Variants in NTNG1 observed in about 807,000 individuals in gnomAD.
The protein encoded by NTNG1 is netrin G1.
A neutral mutation model predicts 54.0 loss-of-function variants in NTNG1; 16 were observed. The observed-to-expected ratio is 0.30, with a 90% CI of 0.20 to 0.45. The LOEUF is 0.45. Ranked by LOEUF, NTNG1 falls within the 20% of genes least tolerant of loss-of-function variation. The probability of loss-of-function intolerance (pLI) is 1.00; values close to 1 mark genes in which losing one functional copy is unlikely to be tolerated. For missense variants in NTNG1, 530 were observed against 678.7 expected, an observed-to-expected ratio of 0.78 and a Z score of 2.43; for synonymous variants, 255 against 263.1, an observed-to-expected ratio of 0.97 and a Z score of 0.30.
chr1:107,231,479 A>G (rs1160754076), intron 2 of NTNG1, among the ~76,000 whole-genome samples: 6 of 152,216 alleles, frequency 3.9e-5, no homozygotes, highest in East Asian at 3.8e-4. Flanking sequence ...AACAGATTGT[A>G]TACTTTTTCT....
At chr1:107,196,137 T>C (rs1056385150) in intron 2 of NTNG1, among the ~76,000 whole-genome samples, 4 of 151,952 alleles carry the variant, frequency 2.6e-5, no homozygotes, top group Non-Finnish European at 5.9e-5. Context: ...GTTTCAAAGA[T>C]TAAGTAAAAT....
At chr1:107,165,901 G>A (rs937459120) in intron 2 of NTNG1, among the ~76,000 whole-genome samples, 3 of 152,148 alleles carry the variant, frequency 2.0e-5, no homozygotes, top group South Asian at 4.1e-4. Context: ...AAGTCCCTAC[G>A]TTGTGTTCCC....
chr1:107,400,741 C>T (rs190978873), intron 4 of NTNG1, among the ~76,000 whole-genome samples: 243 of 151,940 alleles, frequency 1.6e-3, no homozygotes, highest in African/African-American at 5.1e-3. Flanking sequence ...CTCTGCCTCC[C>T]GGGTTCAAGT....
chr1:107,421,086 G>A (rs1311722565), intron 5 of NTNG1: 1 of 1,606,812 alleles, frequency 6.2e-7, no homozygotes, highest in South Asian at 1.1e-5. Flanking sequence ...CTATCCAGTT[G>A]CTCCCAAATT....
At chr1:107,462,890 A>T (rs901079008) in intron 7 of NTNG1, among the ~76,000 whole-genome samples, 1 of 152,184 alleles carries the variant, frequency 6.6e-6, no homozygotes, top group Non-Finnish European at 1.5e-5. Flanking sequence ...AGGCTCAGGG[A>T]GGTCACTTGA....
At chr1:107,165,880 T>G (rs904605417) in intron 2 of NTNG1, among the ~76,000 whole-genome samples, 8 of 152,328 alleles carry the variant, frequency 5.3e-5, no homozygotes, top group Middle Eastern at 3.4e-3. Context: ...TAGTGGTTTC[T>G]CTCCACTGTG....
chr1:107,368,051 C>G (rs1267894496), intron 3 of NTNG1, among the ~76,000 whole-genome samples: 3 of 152,118 alleles, frequency 2.0e-5, no homozygotes, highest in Non-Finnish European at 4.4e-5. Flanking sequence ...AGCCACCGTG[C>G]CCGGCCTAAA....
intron 2 of NTNG1, among the ~76,000 whole-genome samples, chr1:107,166,228 A>G (rs921444867): frequency 6.6e-6 from 1 of 152,230 alleles, no homozygotes; most frequent in African/African-American, 2.4e-5. Context: ...AAGAAGAAAT[A>G]GAAGGACATT....
intron 2 of NTNG1, among the ~76,000 whole-genome samples, chr1:107,220,474 C>CT: frequency 6.6e-6 from 1 of 152,300 alleles, no homozygotes. Context: ...TTTCCTACCT[C>CT]TTTCACCATT....
chr1:107,396,368 A>G (rs2101094555), intron 4 of NTNG1, among the ~76,000 whole-genome samples: 1 of 152,304 alleles, frequency 6.6e-6, no homozygotes, highest in Admixed American at 6.5e-5. Flanking sequence ...TGGACCAAGT[A>G]ACAAACCATG....
At chr1:107,330,440 A>T (rs1668212240) in intron 3 of NTNG1, among the ~76,000 whole-genome samples, 2 of 152,158 alleles carry the variant, frequency 1.3e-5, no homozygotes, top group South Asian at 2.1e-4. Context: ...TCAAGTGGAG[A>T]ATCCAGAAAA....
intron 7 of NTNG1, among the ~76,000 whole-genome samples, chr1:107,475,088 G>C (rs1389659779): frequency 6.6e-6 from 1 of 152,158 alleles, no homozygotes. Flanking sequence ...AGTAACAATT[G>C]ATACTATCAA....
chr1:107,446,041 G>A (rs565683552), intron 7 of NTNG1, among the ~76,000 whole-genome samples: 1 of 152,150 alleles, frequency 6.6e-6, no homozygotes, highest in Admixed American at 6.6e-5. Context: ...TCAAGATGAA[G>A]AAACAGAGGA....
At chr1:107,341,945 CA>C (rs1476217769) in intron 3 of NTNG1, among the ~76,000 whole-genome samples, 1 of 151,832 alleles carries the variant, frequency 6.6e-6, no homozygotes, top group Non-Finnish European at 1.5e-5. Flanking sequence ...GAAATTGGAA[CA>C]GGGGTTCCGC....
In NTNG1 at chr1:107,483,035, T is replaced by C. The variant is rs1310090587; in HGVS notation, c.*2195T>C. On this transcript the variant is annotated 3_prime_UTR_variant, in exon 8 of 8. Transcript: ENST00000370068. ...TTACGTTGGAAGCATAAATAGAAAA[T>C]TATATTTCAGGCTCACCAAAGAAAC... 1 of 152,140 alleles carries C rather than the reference T, an allele frequency of 6.6e-6. No homozygotes were observed. The highest frequency in any genetic ancestry group is 1.5e-5 in the Non-Finnish European group (1 of 68,026). The allele number at this position is 152,140 out of a possible 1,614,324, so 9.4% of individuals were successfully genotyped here.
chr1:107,345,702 AT>A (rs1669180847), intron 3 of NTNG1, among the ~76,000 whole-genome samples: 1 of 152,094 alleles, frequency 6.6e-6, no homozygotes, highest in Non-Finnish European at 1.5e-5. Flanking sequence ...TACCTTAGAA[AT>A]TCTTTTACCT....
At chr1:107,141,389 G>A (rs1653682587) in intron 1 of NTNG1, 1 of 149,942 alleles carries the variant, frequency 6.7e-6, no homozygotes, top group African/African-American at 2.4e-5. Context: ...GGACCAGGCT[G>A]GCTGCGCAGG....
At chr1:107,472,803 CA>C (rs887675028) in intron 7 of NTNG1, among the ~76,000 whole-genome samples, 9 of 151,990 alleles carry the variant, frequency 5.9e-5, no homozygotes, top group African/African-American at 1.9e-4. Flanking sequence ...ACCACAACAA[CA>C]AAAAGTGATT....
At chr1:107,379,060 C>T (rs1671483275) in intron 3 of NTNG1, among the ~76,000 whole-genome samples, 2 of 152,116 alleles carry the variant, frequency 1.3e-5, no homozygotes, top group African/African-American at 2.4e-5. Context: ...CCTTTCATTC[C>T]TCTGAGGTAA....
Sources: allele counts gnomAD v4.1 joint callset (sites outside exome capture counted in the v4.1 genomes callset), GRCh38; gene constraint gnomAD v4.1.1; transcripts MANE v1.5; gene names NCBI Gene and HGNC (gene_info 2026-07-23, HGNC 2026-07-21).